The following FGF14 variants were observed in gnomAD, a reference collection of about 807,000 sequenced individuals.
FGF14 encodes the protein fibroblast growth factor homologous factor 4.
FGF14 carries 5 observed loss-of-function variants against 25.5 expected under a neutral mutation model. The observed-to-expected ratio is 0.20, with a 90% CI of 0.10 to 0.41. The LOEUF (loss-of-function observed/expected upper bound fraction) is 0.41, where lower values mean the gene tolerates loss of function less well. Ranked by LOEUF, FGF14 falls within the 10% of genes least tolerant of loss-of-function variation. The probability of loss-of-function intolerance (pLI) is 1.00; values close to 1 mark genes in which losing one functional copy is unlikely to be tolerated. For missense variants in FGF14, 222 were observed against 320.1 expected (o/e 0.69, Z 2.34); for synonymous variants, 138 against 118.3 (o/e 1.17, Z -1.08).
intron 1 of FGF14, among the ~76,000 whole-genome samples, chr13:101,977,726 AAAAC>A (rs1311524682): frequency 6.6e-6 from 1 of 152,206 alleles, no homozygotes; most frequent in Non-Finnish European, 1.5e-5. Context: ...GCAAAAATGA[AAAAC>A]AAACAAAAAC....
At chr13:102,173,238 G>A (rs988453306) in intron 1 of FGF14, among the ~76,000 whole-genome samples, 1 of 152,108 alleles carries the variant, frequency 6.6e-6, no homozygotes, top group Admixed American at 6.6e-5. Context: ...ATGAAAAGGT[G>A]CTCAATGGTT....
intron 1 of FGF14, among the ~76,000 whole-genome samples, chr13:102,077,117 C>A (rs2043401097): frequency 1.3e-5 from 2 of 152,090 alleles, no homozygotes; most frequent in Admixed American, 1.3e-4. Context: ...ATGCCATATA[C>A]AAAAATTGGC....
intron 1 of FGF14, among the ~76,000 whole-genome samples, chr13:101,932,783 G>GA (rs1397417260): frequency 2.1e-5 from 3 of 142,530 alleles, no homozygotes; most frequent in East Asian, 2.0e-4. Context: ...AAAGCACTGA[G>GA]AAAAAATTAT....
chr13:102,107,144 C>T (rs1440307056), intron 1 of FGF14, among the ~76,000 whole-genome samples: 1 of 123,248 alleles, frequency 8.1e-6, no homozygotes, highest in East Asian at 2.1e-4. Flanking sequence ...TTTATAAAAA[C>T]CAGTTTGCCT....
chr13:102,065,107 T>C (rs958847431), intron 1 of FGF14, among the ~76,000 whole-genome samples: 10 of 152,140 alleles, frequency 6.6e-5, no homozygotes, highest in African/African-American at 2.4e-4. Context: ...ATTATTGAAA[T>C]AATTAATGTC....
At chr13:101,995,787 A>C (rs530687618) in intron 1 of FGF14, among the ~76,000 whole-genome samples, 2 of 152,254 alleles carry the variant, frequency 1.3e-5, no homozygotes, top group South Asian at 2.1e-4. Flanking sequence ...AGGGACTTTG[A>C]AAACTGCATC....
intron 1 of FGF14, among the ~76,000 whole-genome samples, chr13:101,983,558 T>C (rs894911600): frequency 1.3e-5 from 2 of 152,214 alleles, no homozygotes; most frequent in Non-Finnish European, 2.9e-5. Context: ...CCTTGGATCC[T>C]TCCACTAAGG....
At chr13:102,114,380 T>G (rs2045367786) in intron 1 of FGF14, among the ~76,000 whole-genome samples, 1 of 152,216 alleles carries the variant, frequency 6.6e-6, no homozygotes, top group South Asian at 2.1e-4. Context: ...CTCAGTTGAC[T>G]GTGTCCTTTC....
chr13:102,237,585 G>A (rs201522277), intron 1 of FGF14, among the ~76,000 whole-genome samples: 1,364 of 135,012 alleles, frequency 0.01, no homozygotes, highest in African/African-American at 0.014. Flanking sequence ...TTACACTTCA[G>A]AAAAAAAAAA....
At chr13:101,860,933 T>C (rs895852101) in intron 3 of FGF14, among the ~76,000 whole-genome samples, 1 of 152,156 alleles carries the variant, frequency 6.6e-6, no homozygotes, top group Non-Finnish European at 1.5e-5. Flanking sequence ...ATCAATTTTG[T>C]AGAAACACAA....
intron 1 of FGF14, among the ~76,000 whole-genome samples, chr13:102,331,955 T>C (rs1457715926): frequency 4.6e-5 from 7 of 152,110 alleles, no homozygotes; most frequent in African/African-American, 1.7e-4. Flanking sequence ...GGCACAGAAA[T>C]AGCAATCAGC....
intron 1 of FGF14, among the ~76,000 whole-genome samples, chr13:102,056,258 A>C (rs970774222): frequency 6.6e-6 from 1 of 152,260 alleles, no homozygotes. Flanking sequence ...TTTGCCAGCC[A>C]TTGACACAGC....
At chr13:101,996,429 T>G (rs183012325) in intron 1 of FGF14, among the ~76,000 whole-genome samples, 140 of 152,162 alleles carry the variant, frequency 9.2e-4, no homozygotes, top group African/African-American at 3.1e-3. Flanking sequence ...AGGACAGTTG[T>G]TTGGGGGCTG....
intron 1 of FGF14, among the ~76,000 whole-genome samples, chr13:101,960,408 T>C (rs2036775175): frequency 6.6e-6 from 1 of 152,216 alleles, no homozygotes. Context: ...TCTCCATGTG[T>C]CCACATGTTC....
chr13:101,744,797 A>G (rs1472189423), intron 3 of FGF14, among the ~76,000 whole-genome samples: 1 of 152,062 alleles, frequency 6.6e-6, no homozygotes, highest in Non-Finnish European at 1.5e-5. Flanking sequence ...TTACTTATTA[A>G]CACATGCGTG....
At chr13:101,850,419 A>G (rs1475196024) in intron 3 of FGF14, among the ~76,000 whole-genome samples, 49 of 133,864 alleles carry the variant, frequency 3.7e-4, no homozygotes, top group African/African-American at 1.3e-3. Context: ...GTGCCACTAC[A>G]CTCCAGCCTG....
In FGF14 at chr13:101,773,551, A is replaced by G. The variant is rs376806418; in HGVS notation, c.409-46741T>C. Among the ~76,000 whole-genome samples, 243 of 152,232 alleles carry G rather than the reference A, an allele frequency of 1.6e-3. 1 individual carries two copies. The highest frequency in any genetic ancestry group is 5.5e-3 in the African/African-American group (230 of 41,544). The stretch of plus-strand genomic sequence containing the variant: ...AGGTTGGCAACTTAGAGAGGTAGAA[A>G]GAAAATGGCAAAATACAATTTTATA... On this transcript the variant is annotated intron_variant, in intron 3 of 4. Transcript: ENST00000376143.
chr13:101,942,311 A>G (rs1212453981), intron 1 of FGF14, among the ~76,000 whole-genome samples: 1 of 152,186 alleles, frequency 6.6e-6, no homozygotes, highest in African/African-American at 2.4e-5. Flanking sequence ...CCTTCTCCTT[A>G]TTCCCTTAGA....
At chr13:102,023,638 G>A (rs1314742361) in intron 1 of FGF14, among the ~76,000 whole-genome samples, 1 of 151,846 alleles carries the variant, frequency 6.6e-6, no homozygotes, top group Admixed American at 6.6e-5. Flanking sequence ...ACTAATCTAT[G>A]TTCTTTCTCT....
Sources: allele counts gnomAD v4.1 joint callset (sites outside exome capture counted in the v4.1 genomes callset), GRCh38; gene constraint gnomAD v4.1.1; transcripts MANE v1.5; gene names NCBI Gene and HGNC (gene_info 2026-07-23, HGNC 2026-07-21).